The following ZNF608 variants were observed in gnomAD, a reference collection of about 807,000 sequenced individuals.
The protein encoded by ZNF608 is zinc finger protein 608.
ZNF608 carries 12 observed loss-of-function variants against 109.0 expected under a neutral mutation model. The ratio of observed to expected loss-of-function variants is 0.11; its 90% confidence interval spans 0.07 to 0.18. The LOEUF is 0.18. Among genes scored for constraint, ZNF608 ranks in the 10% least tolerant of loss-of-function variants. The pLI, the probability that ZNF608 is intolerant of heterozygous loss-of-function variation, is 1.00. For synonymous variants in ZNF608, 732 were observed against 717.4 expected (o/e 1.02, Z -0.33); for missense variants, 1,707 against 1,879.3 (o/e 0.91, Z 1.70).
intron 3 of ZNF608, among the ~76,000 whole-genome samples, chr5:124,693,824 G>A (rs1371567382): frequency 6.6e-6 from 1 of 151,848 alleles, no homozygotes; most frequent in African/African-American, 2.4e-5. Flanking sequence ...GCAAATCCAG[G>A]AAAATGGCAC....
Position 124,648,663 on chromosome 5 carries a change from T to C in ZNF608, c.1721A>G (p.Gln574Arg), listed in dbSNP as rs1476333369. Residue 574 changes from glutamine to arginine, a missense_variant, in exon 5 of 10, where the codon CAG becomes CGG. Coordinates refer to ENST00000513986, the MANE Select transcript of ZNF608 (RefSeq NM_020747.3). The stretch of plus-strand genomic sequence containing the variant: ...TTCTGGGTCTAAGTGTGCATGAGCC[T>C]GGTGGTACCTCAGGCCGTTAATGTG... ...YKHINGLRYHQAHAHLDPENK... is the reference protein window; with the variant it reads ...YKHINGLRYHRAHAHLDPENK... 2 of 1,614,112 alleles carry C rather than the reference T, an allele frequency of 1.2e-6. No individual in the cohort carries two copies. The highest frequency in any genetic ancestry group is 8.5e-7 in the Non-Finnish European group (1 of 1,180,044).
chr5:124,736,233 C>G (rs1749135584), intron 2 of ZNF608, among the ~76,000 whole-genome samples: 1 of 152,172 alleles, frequency 6.6e-6, no homozygotes, highest in South Asian at 2.1e-4. Flanking sequence ...AGTCATAAGC[C>G]TATAATAAAG....
At chr5:124,646,651 C>T in intron 5 of ZNF608, 28 bp downstream of exon 5, 2 of 1,594,504 alleles carry the variant, frequency 1.3e-6, no homozygotes, top group Non-Finnish European at 1.7e-6. Flanking sequence ...TGCTCTCTCC[C>T]TGTTGGGGCC....
intron 2 of ZNF608, among the ~76,000 whole-genome samples, chr5:124,716,946 G>A (rs1753727666): frequency 6.6e-6 from 1 of 151,890 alleles, no homozygotes; most frequent in South Asian, 2.1e-4. Flanking sequence ...CCGGGCCATG[G>A]TGGTGCATGC....
chr5:124,711,788 G>A (rs1416063606), intron 2 of ZNF608, among the ~76,000 whole-genome samples: 2 of 152,208 alleles, frequency 1.3e-5, no homozygotes. Flanking sequence ...GACAGGGAGA[G>A]CTGAGGCTGG....
intron 2 of ZNF608, among the ~76,000 whole-genome samples, chr5:124,740,184 A>G (rs1749325666): frequency 6.6e-6 from 1 of 152,184 alleles, no homozygotes; most frequent in African/African-American, 2.4e-5. Context: ...TTCACACACC[A>G]AAGTCAGAAT....
chr5:124,649,805 A>G (rs1406542844), intron 3 of ZNF608, 108 bp from the exon 4 acceptor site: 1 of 661,852 alleles, frequency 1.5e-6, no homozygotes, highest in Non-Finnish European at 2.4e-6. Flanking sequence ...TTCTATTCTC[A>G]TTTGCTTTTA....
chr5:124,684,608 C>A (rs1752330030), intron 3 of ZNF608, among the ~76,000 whole-genome samples: 1 of 152,180 alleles, frequency 6.6e-6, no homozygotes, highest in African/African-American at 2.4e-5. Context: ...CAGGAATACT[C>A]TGAAAGAACT....
chr5:124,670,030 G>C (rs369564319), intron 3 of ZNF608, among the ~76,000 whole-genome samples: 1 of 152,192 alleles, frequency 6.6e-6, no homozygotes, highest in African/African-American at 2.4e-5. Flanking sequence ...TCACTAAGGA[G>C]CCTGGAACAA....
intron 3 of ZNF608, among the ~76,000 whole-genome samples, chr5:124,695,601 C>CA (rs1298904138): frequency 6.6e-6 from 1 of 151,010 alleles, no homozygotes; most frequent in Non-Finnish European, 1.5e-5. Context: ...CTCGTGTCTA[C>CA]AAAAAATACA....
At chr5:124,649,535 A>G (rs1750688985) in intron 4 of ZNF608, 75 bp downstream of exon 4, 3 of 1,218,982 alleles carry the variant, frequency 2.5e-6, no homozygotes, top group Non-Finnish European at 3.5e-6. Context: ...ACTTTTATGT[A>G]TTATGAATCT....
chr5:124,638,886 C>T (rs925417132), intron 9 of ZNF608: 3 of 991,560 alleles, frequency 3.0e-6, no homozygotes, highest in Non-Finnish European at 4.1e-6. Flanking sequence ...GTAAGGATAA[C>T]CCAAGAAAAT....
intron 3 of ZNF608, among the ~76,000 whole-genome samples, chr5:124,689,216 GTGATGTGCT>G (rs1752512402): frequency 6.6e-6 from 1 of 152,196 alleles, no homozygotes; most frequent in African/African-American, 2.4e-5. Flanking sequence ...TGATACGCTT[GTGATGTGCT>G]TGATATGATT....
chr5:124,658,617 G>A (rs988667154), intron 3 of ZNF608, among the ~76,000 whole-genome samples: 4 of 152,128 alleles, frequency 2.6e-5, no homozygotes, highest in Admixed American at 2.0e-4. Context: ...TTTGGATGAC[G>A]ATTTCTAGTG....
At chr5:124,660,619 C>T (rs1279388045) in intron 3 of ZNF608, among the ~76,000 whole-genome samples, 1 of 152,216 alleles carries the variant, frequency 6.6e-6, no homozygotes, top group East Asian at 1.9e-4. Context: ...CACCTGTTCA[C>T]AACCAGCTTT....
upstream of ZNF608, chr5:124,746,803 G>C (rs577294953): frequency 2.6e-4 from 253 of 984,960 alleles, 2 homozygotes; most frequent in African/African-American, 3.5e-3. Context: ...AGAAAAGGAG[G>C]GGGGGAGTAG....
rs758772012 is a variant in ZNF608 at position 124,644,348 on chromosome 5, T to A, written c.4019A>T (p.Gln1340Leu). Residue 1340 changes from glutamine (Q) to leucine (L), a missense_variant, in exon 6 of 10, where the codon CAG (glutamine) becomes CTG (leucine). This residue lies in a region of ZNF608 where 1,073 missense variants were observed against 1,133.5 expected (regional missense o/e 0.95). Transcript: ENST00000513986. ...AGCATGCAAGTACTGTATGTATGACTGATGCTGACTCATGGGTGAGGAGAC... is the reference window on the plus strand; with the variant it reads ...AGCATGCAAGTACTGTATGTATGACAGATGCTGACTCATGGGTGAGGAGAC... ...VAVSSPMSQH[Q>L]SYIQYLHAYP... is the part of the protein sequence containing the mutation. The A allele has an allele frequency of 6.2e-7, 1 of 1,614,208 alleles. No homozygotes were observed. Among genetic ancestry groups the A allele is most frequent in the Non-Finnish European group, 8.5e-7 (1 of 1,180,030 alleles).
At chr5:124,722,611 ACACACACACG>A (rs1753978091) in intron 2 of ZNF608, among the ~76,000 whole-genome samples, 1 of 130,598 alleles carries the variant, frequency 7.7e-6, no homozygotes, top group Non-Finnish European at 1.7e-5. Flanking sequence ...ACACACACAC[ACACACACACG>A]CAAGAAATTC....
chr5:124,722,593 ACACACAC>A (rs1753976165), intron 2 of ZNF608, among the ~76,000 whole-genome samples: 1 of 149,080 alleles, frequency 6.7e-6, no homozygotes, highest in Non-Finnish European at 1.5e-5. Flanking sequence ...ACACACACAC[ACACACAC>A]ACACACACAC....
Sources: gnomAD v4.1 joint callset for allele counts (sites outside exome capture counted in the v4.1 genomes callset) on GRCh38, gnomAD v4.1.1 for gene constraint, gnomAD v4.1.1 regional missense constraint, MANE v1.5 for transcripts, NCBI Gene and HGNC (gene_info 2026-07-23, HGNC 2026-07-21) for gene names.